RAD51B: variants seen among roughly 807,000 people sequenced by gnomAD.
RAD51B encodes the protein DNA repair protein RAD51 homolog 2.
Under a neutral mutation model 42.2 loss-of-function variants are expected in RAD51B, and 38 were observed. The observed-to-expected ratio is 0.90, with a 90% CI of 0.70 to 1.18. The LOEUF (loss-of-function observed/expected upper bound fraction) is 1.18. RAD51B is among the 50% of genes most tolerant of loss of function. RAD51B has a pLI of 0.00. For synonymous variants in RAD51B, 154 were observed against 145.2 expected (o/e 1.06, Z -0.43); for missense variants, 373 against 400.7 (o/e 0.93, Z 0.59).
At chr14:68,007,662 G>T (rs2075613126) in intron 7 of RAD51B, among the ~76,000 whole-genome samples, 2 of 151,904 alleles carry the variant, frequency 1.3e-5, no homozygotes, top group Non-Finnish European at 2.9e-5. Context: ...CTCTTCTTTG[G>T]CAAACTGTCT....
intron 7 of RAD51B, among the ~76,000 whole-genome samples, chr14:67,968,792 G>C (rs1487229054): frequency 6.6e-6 from 1 of 152,124 alleles, no homozygotes; most frequent in Non-Finnish European, 1.5e-5. Flanking sequence ...ACCTCTGCCT[G>C]ATACTGACTT....
chr14:68,131,414 C>T (rs1054383417), intron 7 of RAD51B, among the ~76,000 whole-genome samples: 2 of 152,032 alleles, frequency 1.3e-5, no homozygotes, highest in East Asian at 1.9e-4. Flanking sequence ...TGGACATATT[C>T]GCTGGGTGCG....
chr14:68,179,695 CAT>C (rs1281550707), intron 7 of RAD51B, among the ~76,000 whole-genome samples: 1 of 152,066 alleles, frequency 6.6e-6, no homozygotes, highest in Admixed American at 6.5e-5. Context: ...CTAGTAATAA[CAT>C]AATACAGAGA....
At chr14:68,081,440 T>C (rs2076910541) in intron 7 of RAD51B, among the ~76,000 whole-genome samples, 1 of 152,144 alleles carries the variant, frequency 6.6e-6, no homozygotes, top group African/African-American at 2.4e-5. Context: ...TTAAGTAACA[T>C]AGGTATTATT....
At chr14:68,255,823 A>G (rs1235122961) in intron 7 of RAD51B, among the ~76,000 whole-genome samples, 4 of 152,206 alleles carry the variant, frequency 2.6e-5, no homozygotes, top group Admixed American at 1.3e-4. Flanking sequence ...TTTCTACACT[A>G]AAAACATTAG....
At chr14:68,439,052 C>T (rs535322391) in intron 9 of RAD51B, among the ~76,000 whole-genome samples, 1 of 152,190 alleles carries the variant, frequency 6.6e-6, no homozygotes, top group Non-Finnish European at 1.5e-5. Context: ...AGGGAACTGA[C>T]CTTTACAATT....
Position 68,110,631 on chromosome 14 carries a change from C to T in RAD51B, c.757-181253C>T, listed in dbSNP as rs1078117. 9.2e-3 allele frequency among the ~76,000 whole-genome samples: 1,402 copies of T among 152,040 alleles called. 7 individuals are homozygous for T. The highest frequency in any genetic ancestry group is 0.014 in the Admixed American group (206 of 15,248). ...AACACCCTAATAACATTATTTAATC[C>T]GTACAACTTTTTTGTATAAGCATTT... On this transcript the variant is annotated intron_variant, in intron 7 of 10. Coordinates refer to ENST00000471583, the MANE Select transcript of RAD51B (RefSeq NM_133510.4).
At chr14:67,899,558 A>G (rs1490298822) in intron 7 of RAD51B, among the ~76,000 whole-genome samples, 24 of 152,210 alleles carry the variant, frequency 1.6e-4, no homozygotes, top group Admixed American at 1.6e-3. Flanking sequence ...AATTTTGATT[A>G]TAAACATTTG....
chr14:68,017,736 G>A (rs902835685), intron 7 of RAD51B, among the ~76,000 whole-genome samples: 2 of 151,888 alleles, frequency 1.3e-5, no homozygotes, highest in Admixed American at 6.6e-5. Flanking sequence ...ACTTTGGGAG[G>A]CCAAGGCAGG....
intron 9 of RAD51B, among the ~76,000 whole-genome samples, chr14:68,439,186 A>T (rs952627079): frequency 2.1e-4 from 9 of 42,302 alleles, no homozygotes; most frequent in African/African-American, 6.3e-4. Flanking sequence ...ACACACACAC[A>T]CTCTCTCACA....
At chr14:68,649,225 T>C (rs1382824052) in intron 10 of RAD51B, among the ~76,000 whole-genome samples, 2 of 152,184 alleles carry the variant, frequency 1.3e-5, no homozygotes, top group African/African-American at 4.8e-5. Flanking sequence ...ATACTGATTG[T>C]GACAGTCTTG....
chr14:68,640,680 C>T (rs1334102022), intron 10 of RAD51B, among the ~76,000 whole-genome samples: 1 of 152,188 alleles, frequency 6.6e-6, no homozygotes, highest in Non-Finnish European at 1.5e-5. Context: ...GAAGAGGTGA[C>T]TTACAGTGGA....
At chr14:67,863,405 TG>T (rs937257389) in intron 4 of RAD51B, among the ~76,000 whole-genome samples, 5 of 152,178 alleles carry the variant, frequency 3.3e-5, no homozygotes, top group African/African-American at 1.2e-4. Context: ...TCTCAGGCCA[TG>T]ACCCAGACCT....
At chr14:68,013,662 C>T (rs1171712511) in intron 7 of RAD51B, among the ~76,000 whole-genome samples, 4 of 152,134 alleles carry the variant, frequency 2.6e-5, no homozygotes, top group Non-Finnish European at 5.9e-5. Flanking sequence ...ACTTTCTCTG[C>T]TCTTGATGGA....
chr14:68,026,650 T>C (rs928501539), intron 7 of RAD51B, among the ~76,000 whole-genome samples: 7 of 152,154 alleles, frequency 4.6e-5, no homozygotes, highest in African/African-American at 1.7e-4. Context: ...TTCTGTCTGA[T>C]ATAAGAATAG....
intron 3 of RAD51B, among the ~76,000 whole-genome samples, chr14:67,831,859 G>A (rs1234818531): frequency 6.6e-6 from 1 of 151,632 alleles, no homozygotes; most frequent in Non-Finnish European, 1.5e-5. Context: ...TTCTTTTTTT[G>A]ACTTACCGAA....
intron 7 of RAD51B, among the ~76,000 whole-genome samples, chr14:68,255,686 C>G (rs1411919095): frequency 6.6e-6 from 1 of 152,198 alleles, no homozygotes; most frequent in East Asian, 1.9e-4. Flanking sequence ...CTCAACTGCC[C>G]ATACCATGAT....
chr14:67,885,860 C>T lies in RAD51B; in HGVS notation c.453-9C>T, dbSNP rs193290237. 10 of 1,576,504 alleles carry T rather than the reference C, an allele frequency of 6.3e-6. No homozygotes were observed. In the East Asian group the frequency reaches 1.8e-4, roughly 28 times the overall value. The stretch of plus-strand genomic sequence containing the variant: ...CTGTTTTCGTTTGTGCTATTTTTTT[C>T]ACCCACAGACTGGTTGAAATAGCAG... On this transcript the variant is annotated splice_polypyrimidine_tract_variant and intron_variant, in intron 5 of 10. Coordinates refer to ENST00000471583, the MANE Select transcript of RAD51B (RefSeq NM_133510.4).
chr14:68,016,713 G>T (rs1483233973), intron 7 of RAD51B, among the ~76,000 whole-genome samples: 1 of 152,054 alleles, frequency 6.6e-6, no homozygotes, highest in Non-Finnish European at 1.5e-5. Flanking sequence ...TTCACTCCTA[G>T]AATCTGTGCT....
Sources: allele counts gnomAD v4.1 joint callset (sites outside exome capture counted in the v4.1 genomes callset), GRCh38; gene constraint gnomAD v4.1.1; transcripts MANE v1.5; gene names NCBI Gene and HGNC (gene_info 2026-07-23, HGNC 2026-07-21).